Variants in ZCCHC24 observed in about 807,000 individuals in gnomAD.
ZCCHC24 encodes zinc finger CCHC domain-containing protein 24.
A neutral mutation model predicts 26.2 loss-of-function variants in ZCCHC24; 10 were observed. The ratio of observed to expected loss-of-function variants is 0.38; its 90% confidence interval spans 0.24 to 0.65. The LOEUF is 0.65. ZCCHC24 is among the 30% of genes least tolerant of loss of function. The pLI is 0.54. For missense variants in ZCCHC24, 243 were observed against 329.1 expected, an observed-to-expected ratio of 0.74 and a Z score of 2.03; for synonymous variants, 144 against 147.1, an observed-to-expected ratio of 0.98 and a Z score of 0.15.
chr10:79,431,505 T>C (rs963646984), intron 2 of ZCCHC24, among the ~76,000 whole-genome samples: 9 of 152,182 alleles, frequency 5.9e-5, no homozygotes, highest in African/African-American at 2.2e-4. Flanking sequence ...GAGCCTGCAA[T>C]TGTAATAGCT....
intron 1 of ZCCHC24, among the ~76,000 whole-genome samples, chr10:79,437,385 T>C (rs1857230346): frequency 1.3e-5 from 2 of 152,204 alleles, no homozygotes; most frequent in African/African-American, 2.4e-5. Context: ...GTGTGTCATA[T>C]ATTTGACTAA....
intron 1 of ZCCHC24, among the ~76,000 whole-genome samples, chr10:79,437,396 A>G (rs571255645): frequency 1.3e-5 from 2 of 152,266 alleles, no homozygotes; most frequent in Non-Finnish European, 2.9e-5. Flanking sequence ...ATTTGACTAA[A>G]TCTTTTACCT....
chr10:79,392,281 T>C (rs1035876685), intron 3 of ZCCHC24, among the ~76,000 whole-genome samples: 2 of 152,084 alleles, frequency 1.3e-5, no homozygotes, highest in African/African-American at 2.4e-5. Flanking sequence ...TGCATTAGGA[T>C]TGCACACCTC....
chr10:79,382,359 A>G lies in ZCCHC24; in HGVS notation c.*3986T>C, dbSNP rs1856332306. 1 of 152,816 alleles carries G rather than the reference A, an allele frequency of 6.5e-6. No individual in the cohort carries two copies. The highest frequency in any genetic ancestry group is 1.5e-5 in the Non-Finnish European group (1 of 68,048). 9.5% of individuals were successfully genotyped at this position (152,816 alleles called of 1,614,324 possible). ...TAAAAGTCCTTTTAATACAGCATGA[A>G]GAGGCTATATTTCTATAGGCGAGCC... On this transcript the variant is annotated 3_prime_UTR_variant, in exon 4 of 4. Transcript: ENST00000372336.
chr10:79,399,872 C>A (rs142239722), intron 2 of ZCCHC24, among the ~76,000 whole-genome samples: 1 of 152,184 alleles, frequency 6.6e-6, no homozygotes, highest in Non-Finnish European at 1.5e-5. Context: ...CCCATCCCTG[C>A]GTGAAATCTC....
At chr10:79,410,885 G>T (rs1444162176) in intron 2 of ZCCHC24, among the ~76,000 whole-genome samples, 7 of 152,116 alleles carry the variant, frequency 4.6e-5, no homozygotes, top group African/African-American at 1.2e-4. Context: ...GCTAGCCTTG[G>T]GGGAGGAGAG....
chr10:79,426,325 T>TA (rs1424221623), intron 2 of ZCCHC24, among the ~76,000 whole-genome samples: 1 of 152,170 alleles, frequency 6.6e-6, no homozygotes, highest in African/African-American at 2.4e-5. Flanking sequence ...GTTAGACCAT[T>TA]AAAGGTTTTT....
chr10:79,397,627 T>G (rs1370133850), intron 2 of ZCCHC24, among the ~76,000 whole-genome samples: 1 of 152,134 alleles, frequency 6.6e-6, no homozygotes. Flanking sequence ...GGGGCAGGCA[T>G]GGGTGCCTCC....
intron 2 of ZCCHC24, among the ~76,000 whole-genome samples, chr10:79,399,748 G>C (rs1011293446): frequency 6.6e-6 from 1 of 152,234 alleles, no homozygotes; most frequent in African/African-American, 2.4e-5. Flanking sequence ...AGAAGGCAGC[G>C]CTGCAGGGCG....
chr10:79,394,199 G>A, intron 3 of ZCCHC24, 77 bp downstream of exon 3: 2 of 1,541,572 alleles, frequency 1.3e-6, no homozygotes, highest in South Asian at 1.2e-5. Flanking sequence ...TTGTAGGAGG[G>A]AGTAAACTGA....
chr10:79,406,912 G>A (rs2132190581), intron 2 of ZCCHC24, among the ~76,000 whole-genome samples: 1 of 152,310 alleles, frequency 6.6e-6, no homozygotes, highest in South Asian at 2.1e-4. Context: ...GGGGCTGGCT[G>A]GTGGTACTTG....
At chr10:79,418,333 T>C (rs1173399067) in intron 2 of ZCCHC24, among the ~76,000 whole-genome samples, 1 of 152,124 alleles carries the variant, frequency 6.6e-6, no homozygotes, top group African/African-American at 2.4e-5. Flanking sequence ...TAAGGTCAAC[T>C]TGGCCAATGT....
Position 79,445,571 on chromosome 10 carries a change from T to G in ZCCHC24, c.-131A>C. On this transcript the variant is annotated 5_prime_UTR_variant, in exon 1 of 4. Coordinates refer to ENST00000372336, the MANE Select transcript of ZCCHC24 (RefSeq NM_153367.4). ...CCCCGACGGTGATCGCCCCGCGCCC[T>G]GCGCCCCGCGCGCTGCCCGCAGCCG... 1.2e-6 allele frequency: 1 copy of G among 801,588 alleles called. No homozygotes were observed. Among genetic ancestry groups the G allele is most frequent in the Non-Finnish European group, 1.6e-6 (1 of 641,750 alleles). 49.7% of individuals were successfully genotyped at this position (801,588 alleles called of 1,614,324 possible). A position where few individuals can be genotyped will look rare whatever the true frequency, so the allele number is the denominator to read the frequency against.
chr10:79,442,697 C>A (rs973861583), intron 1 of ZCCHC24, among the ~76,000 whole-genome samples: 1 of 152,244 alleles, frequency 6.6e-6, no homozygotes, highest in African/African-American at 2.4e-5. Context: ...CCGGCCCACA[C>A]ACGACTTGCT....
At chr10:79,432,910 GTC>G (rs1272929577) in intron 1 of ZCCHC24, 152 bp from the exon 2 acceptor site, 2 of 846,752 alleles carry the variant, frequency 2.4e-6, no homozygotes, top group East Asian at 6.0e-5. Context: ...TAACTAGTGT[GTC>G]TCCATGGACA....
intron 2 of ZCCHC24, among the ~76,000 whole-genome samples, chr10:79,410,083 G>C (rs375539522): frequency 6.6e-6 from 1 of 152,198 alleles, no homozygotes; most frequent in Non-Finnish European, 1.5e-5. Flanking sequence ...GCACATCTGT[G>C]CCTCACTCAG....
intron 2 of ZCCHC24, among the ~76,000 whole-genome samples, chr10:79,420,951 T>C (rs1426642537): frequency 1.3e-5 from 2 of 152,136 alleles, no homozygotes; most frequent in Non-Finnish European, 2.9e-5. Flanking sequence ...AGGAGGAAAC[T>C]GAGGCCTAGA....
At position 79,386,265 on chromosome 10, in the gene ZCCHC24, G is replaced by T. The variant is rs7071090; in HGVS notation, c.*80C>A. 2 of 1,382,486 alleles carry T rather than the reference G, an allele frequency of 1.4e-6. No homozygotes were observed. The highest frequency in any genetic ancestry group is 4.8e-5 in the East Asian group (2 of 41,422). 85.6% of individuals were successfully genotyped at this position (1,382,486 alleles called of 1,614,324 possible). On this transcript the variant is annotated 3_prime_UTR_variant, in exon 4 of 4. Coordinates refer to ENST00000372336, the MANE Select transcript of ZCCHC24 (RefSeq NM_153367.4). ...GGGCACCCCATGCACAGGGCGACAC[G>T]CAGCCCCTCGGAGTAGCACAGGGAA... is the stretch of plus-strand genomic sequence containing the variant.
chr10:79,432,009 G>A (rs1857137440), intron 2 of ZCCHC24, among the ~76,000 whole-genome samples: 1 of 152,184 alleles, frequency 6.6e-6, no homozygotes, highest in African/African-American at 2.4e-5. Flanking sequence ...CTCCAAGAAA[G>A]AGATGCTCCG....
Sources: allele counts gnomAD v4.1 joint callset (sites outside exome capture counted in the v4.1 genomes callset), GRCh38; gene constraint gnomAD v4.1.1; transcripts MANE v1.5; gene names NCBI Gene and HGNC (gene_info 2026-07-23, HGNC 2026-07-21).